The following VGLL4 variants were observed in gnomAD, a reference collection of about 807,000 sequenced individuals.
VGLL4 encodes vestigial like family member 4, also known as transcription cofactor vestigial-like protein 4.
A neutral mutation model predicts 21.0 loss-of-function variants in VGLL4; 7 were observed. The observed-to-expected ratio is 0.33, with a 90% CI of 0.19 to 0.63. VGLL4 has a LOEUF of 0.63. Ranked by LOEUF, VGLL4 falls within the 20% of genes least tolerant of loss-of-function variation. The pLI, the probability that VGLL4 is intolerant of heterozygous loss-of-function variation, is 0.78. For synonymous variants in VGLL4, 222 were observed against 173.2 expected (o/e 1.28, Z -2.21); for missense variants, 394 against 425.7 (o/e 0.93, Z 0.66).
At position 11,568,779 on chromosome 3, in the gene VGLL4, G is replaced by A; in HGVS notation, c.273-3760C>T. The A allele has an allele frequency of 1.4e-6, 2 of 1,480,156 alleles. No homozygotes were observed. Among genetic ancestry groups the A allele is most frequent in the Non-Finnish European group, 1.8e-6 (2 of 1,117,328 alleles). 91.7% of individuals were successfully genotyped at this position (1,480,156 alleles called of 1,614,324 possible). A position where few individuals can be genotyped will look rare whatever the true frequency, so the allele number is the denominator to read the frequency against. ...GAGATGGAAGTCGCCTCCGCTCCTGGTCAGGACTGTGCCCGAGAGAGCCCA... is the reference window on the plus strand; with the variant it reads ...GAGATGGAAGTCGCCTCCGCTCCTGATCAGGACTGTGCCCGAGAGAGCCCA... On this transcript the variant is annotated intron_variant, in intron 2 of 4. Coordinates refer to ENST00000430365, the MANE Select transcript of VGLL4 (RefSeq NM_001128219.3). The surrounding 1 kb of genome is among the most constrained non-coding windows in gnomAD (Gnocchi z 5.9).
intron 2 of VGLL4, among the ~76,000 whole-genome samples, chr3:11,588,048 G>T (rs9866911): frequency 0.044 from 6,699 of 152,274 alleles, 529 homozygotes; most frequent in African/African-American, 0.15. Flanking sequence ...GGCTCTAAGG[G>T]AGAAAATGGA....
At chr3:11,682,287 C>T (rs1252124888) in intron 2 of VGLL4, among the ~76,000 whole-genome samples, 2 of 151,902 alleles carry the variant, frequency 1.3e-5, no homozygotes, top group East Asian at 3.9e-4. Context: ...CACCTGTAAT[C>T]CCAGCTACTT....
Position 11,653,114 on chromosome 3 carries a change from G to C in VGLL4, c.64+49857C>G, listed in dbSNP as rs1339207586. 6.6e-6 allele frequency among the ~76,000 whole-genome samples: 1 copy of C among 152,224 alleles called. No individual in the cohort carries two copies. The highest frequency in any genetic ancestry group is 6.5e-5 in the Admixed American group (1 of 15,288). ...CTAAGTTCGCTGCTAGCCCCAATGT[G>C]TGACCCAACTTCATTTCACAGGTCA... On this transcript the variant is annotated intron_variant, in intron 2 of 5. Transcript: ENST00000273038. The surrounding 1 kb of genome is among the most constrained non-coding windows in gnomAD (Gnocchi z 4.2).
At chr3:11,687,886 CTAACT>C (rs1299754022) in intron 2 of VGLL4, among the ~76,000 whole-genome samples, 5 of 152,110 alleles carry the variant, frequency 3.3e-5, no homozygotes, top group Non-Finnish European at 7.4e-5. Context: ...TGTCTTGCTC[CTAACT>C]TAATCTGTTC....
In VGLL4 at chr3:11,602,009, G is replaced by A. The variant is rs143149423; in HGVS notation, c.96C>T (p.Leu32=). The A allele has an allele frequency of 2.8e-4, 439 of 1,572,562 alleles. 1 individual carries two copies. In the African/African-American group the frequency reaches 5.2e-3, roughly 19 times the overall value. Residue 32 remains leucine, a synonymous_variant, in exon 2 of 5, where the codon CTC becomes CTT. Transcript: ENST00000430365. Reference sequence around the variant, plus strand: ...GGGTCTGTATTCTGGGTTCTCCCCTGAGAGCAGCTTCGCCTACGCAGAGAG... The same window carrying A: ...GGGTCTGTATTCTGGGTTCTCCCCTAAGAGCAGCTTCGCCTACGCAGAGAG... ...GILCYEGEAA[L]RGEPRIQTLP...
upstream of VGLL4, among the ~76,000 whole-genome samples, chr3:11,647,343 G>C (rs940456909): frequency 6.6e-6 from 1 of 152,012 alleles, no homozygotes; most frequent in African/African-American, 2.4e-5. Context: ...TCTTCCTTGA[G>C]ACTTGTCAGA....
chr3:11,556,896 C>CCTCCACTTTTCAAAGGCCTGCAGCCACT lies in VGLL4; in HGVS notation c.*1632_*1659dup, dbSNP rs2072474554. ...GGGGCAAGGAGAAGGGCTTTTCTTTCCTCCACTTTTCAAAGGCCTGCAGCC... is the reference window on the plus strand; with the variant it reads ...GGGGCAAGGAGAAGGGCTTTTCTTTCCTCCACTTTTCAAAGGCCTGCAGCCACTCTCCACTTTTCAAAGGCCTGCAGCC... On this transcript the variant is annotated 3_prime_UTR_variant, in exon 5 of 5. Coordinates refer to ENST00000430365, the MANE Select transcript of VGLL4 (RefSeq NM_001128219.3). The CCTCCACTTTTCAAAGGCCTGCAGCCACT allele has an allele frequency of 6.5e-6, 1 of 152,792 alleles. No homozygotes were observed. Among genetic ancestry groups the CCTCCACTTTTCAAAGGCCTGCAGCCACT allele is most frequent in the Non-Finnish European group, 1.5e-5 (1 of 68,058 alleles). 9.5% of individuals were successfully genotyped at this position (152,792 alleles called of 1,614,324 possible).
chr3:11,715,134 C>CAA (rs755588824), intron 1 of VGLL4, among the ~76,000 whole-genome samples: 6 of 54,770 alleles, frequency 1.1e-4, no homozygotes, highest in Admixed American at 2.0e-4. Context: ...GACTCCGTCT[C>CAA]AAAAAAAAAA....
intron 1 of VGLL4, among the ~76,000 whole-genome samples, chr3:11,641,386 A>T (rs1258066377): frequency 6.6e-6 from 1 of 152,162 alleles, no homozygotes; most frequent in Admixed American, 6.5e-5. Flanking sequence ...TGGGGAGCTG[A>T]TATGTTTAAA....
intron 2 of VGLL4, among the ~76,000 whole-genome samples, chr3:11,650,879 G>A (rs1265862085): frequency 6.6e-6 from 1 of 152,168 alleles, no homozygotes; most frequent in Non-Finnish European, 1.5e-5. Flanking sequence ...TCATGTTTCA[G>A]AGGATCTCTA....
intron 2 of VGLL4, among the ~76,000 whole-genome samples, chr3:11,700,261 G>GGTTAGGT (rs1191862559): frequency 1.3e-5 from 2 of 152,158 alleles, no homozygotes; most frequent in Non-Finnish European, 2.9e-5. Flanking sequence ...CCCACTTAAA[G>GGTTAGGT]ACACAAAAGG....
chr3:11,685,089 T>G (rs2076427320), intron 2 of VGLL4, among the ~76,000 whole-genome samples: 1 of 152,190 alleles, frequency 6.6e-6, no homozygotes, highest in Non-Finnish European at 1.5e-5. Flanking sequence ...GGTATTTGGT[T>G]TTTTGTTCCT....
intron 1 of VGLL4, among the ~76,000 whole-genome samples, chr3:11,603,335 G>A (rs1048324843): frequency 1.3e-5 from 2 of 152,048 alleles, no homozygotes; most frequent in Admixed American, 1.3e-4. Flanking sequence ...AAGCAAACTG[G>A]AACTTTCCAT....
chr3:11,658,076 A>G (rs1309550304), intron 2 of VGLL4, among the ~76,000 whole-genome samples: 3 of 151,250 alleles, frequency 2.0e-5, no homozygotes, highest in African/African-American at 7.4e-5. Flanking sequence ...TGATACTACA[A>G]ATGTGCACCA....
chr3:11,568,987 A>C lies in VGLL4; in HGVS notation c.273-3968T>G. The C allele has an allele frequency of 8.9e-6, 10 of 1,123,096 alleles. No homozygotes were observed. The highest frequency in any genetic ancestry group is 1.1e-5 in the Non-Finnish European group (10 of 904,816). The allele number at this position is 1,123,096 out of a possible 1,614,324, so 69.6% of individuals were successfully genotyped here. A position where few individuals can be genotyped will look rare whatever the true frequency, so the allele number is the denominator to read the frequency against. ...AGGAGGGAGGGAAAGAGAGGCCTACAACACCATCATCCAGGACAGAGCTTT... is the reference window on the plus strand; with the variant it reads ...AGGAGGGAGGGAAAGAGAGGCCTACCACACCATCATCCAGGACAGAGCTTT... On this transcript the variant is annotated intron_variant, in intron 2 of 4. Transcript: ENST00000430365. This position sits in a 1 kb window ranked among gnomAD's most constrained non-coding sequence, Gnocchi z 5.9.
intron 1 of VGLL4, among the ~76,000 whole-genome samples, chr3:11,626,935 T>G (rs2075361266): frequency 6.7e-6 from 1 of 149,882 alleles, no homozygotes; most frequent in Non-Finnish European, 1.5e-5. Context: ...GGAATTCATA[T>G]TTTAGATAGG....
chr3:11,664,548 C>A (rs368548462), intron 2 of VGLL4, among the ~76,000 whole-genome samples: 1 of 152,140 alleles, frequency 6.6e-6, no homozygotes, highest in African/African-American at 2.4e-5. Context: ...TTACTTCAGC[C>A]TTGGAGCTGG....
chr3:11,632,220 G>A (rs1448067593), intron 1 of VGLL4, among the ~76,000 whole-genome samples: 2 of 152,096 alleles, frequency 1.3e-5, no homozygotes, highest in Non-Finnish European at 2.9e-5. Context: ...GGCTGAGGCG[G>A]GAGAATGGCT....
At position 11,643,475 on chromosome 3, in the gene VGLL4, T is replaced by G. The variant is rs756101172; in HGVS notation, c.44A>C (p.Asp15Ala). ...AATGCCGATATTGTTGTTCATCTTG[T>G]CCAAGTACTGATAGTTCAACAGGTC... ...KMDLLNYQYL[D>A]KMNNNIGILC... is the part of the protein sequence containing the mutation. The change falls in exon 1 of 5, where the codon GAC (aspartate) becomes GCC (alanine). Residue 15 changes from aspartate to alanine, a missense_variant. By Grantham distance (126) the Asp-to-Ala change is moderately radical. Coordinates refer to ENST00000430365, the MANE Select transcript of VGLL4 (RefSeq NM_001128219.3). 1 of 1,614,006 alleles carries G rather than the reference T, an allele frequency of 6.2e-7. No individual in the cohort carries two copies. The highest frequency in any genetic ancestry group is 1.1e-5 in the South Asian group (1 of 91,078).
Sources: allele counts gnomAD v4.1 joint callset (sites outside exome capture counted in the v4.1 genomes callset), GRCh38; gene constraint gnomAD v4.1.1; non-coding constraint Gnocchi (gnomAD v3.1); transcripts MANE v1.5; gene names NCBI Gene and HGNC (gene_info 2026-07-23, HGNC 2026-07-21).